Variants in DSG4 observed in about 807,000 individuals in gnomAD.
DSG4 encodes the protein desmoglein-4.
Under a neutral mutation model 93.1 loss-of-function variants are expected in DSG4, and 87 were observed. The ratio of observed to expected loss-of-function variants is 0.93; its 90% CI spans 0.79 to 1.12. The LOEUF (loss-of-function observed/expected upper bound fraction) is 1.12. Ranked by LOEUF, DSG4 falls within the 50% of genes most tolerant of loss-of-function variation. The pLI is 0.00. For missense variants in DSG4, 1,373 were observed against 1,285.7 expected, an observed-to-expected ratio of 1.07 and a Z score of -1.04; for synonymous variants, 432 against 452.9, an observed-to-expected ratio of 0.95 and a Z score of 0.59.
At chr18:31,411,595 C>T in intron 15 of DSG4, 147 bp downstream of exon 15, 1 of 1,038,190 alleles carries the variant, frequency 9.6e-7, no homozygotes, top group South Asian at 1.4e-5. Context: ...TTCACGTCTC[C>T]TTAAAACACA....
Position 31,411,388 on chromosome 18 carries a change from C to G in DSG4, c.2295C>G (p.Thr765=), listed in dbSNP as rs745428685. The G allele has an allele frequency of 5.6e-6, 9 of 1,613,976 alleles. No individual in the cohort carries two copies. The Admixed American group carries it at 1.3e-4, about 24-fold the overall frequency. Residue 765 remains threonine, a synonymous_variant, in exon 15 of 16, where the codon ACC becomes ACG. Transcript: ENST00000308128. ...GGAAGAGGAGCTCTACCATGGGAAC[C>G]CTGCGGGACTACGCTGACGCAGACA... ...AARKRSSTMG[T]LRDYADADIN...
Position 31,399,433 on chromosome 18 carries a change from T to TATGGC in DSG4, c.1168_1172dup (p.Phe392TrpfsTer9), listed in dbSNP as rs771756810. 1.0e-4 allele frequency: 164 copies of TATGGC among 1,613,990 alleles called. No homozygotes were observed. Among genetic ancestry groups the TATGGC allele is most frequent in the Non-Finnish European group, 1.2e-4 (138 of 1,179,966 alleles). On this transcript the variant is annotated frameshift_variant, in exon 9 of 16. Coordinates refer to ENST00000308128, the MANE Select transcript of DSG4 (RefSeq NM_177986.5). LOFTEE classifies it high-confidence loss of function. The stretch of plus-strand genomic sequence containing the variant: ...AAGGACCTGCATTTCATCCAAGTAC[T>TATGGC]ATGGCTTTTAGTGTGCGGGAAGGAA...
At chr18:31,404,213 A>T (rs1347546082) in intron 11 of DSG4, among the ~76,000 whole-genome samples, 2 of 152,220 alleles carry the variant, frequency 1.3e-5, no homozygotes, top group Non-Finnish European at 2.9e-5. Flanking sequence ...GTTAATATAC[A>T]GCCATTAAAA....
intron 12 of DSG4, among the ~76,000 whole-genome samples, chr18:31,408,829 T>C (rs2072454978): frequency 6.6e-6 from 1 of 152,176 alleles, no homozygotes; most frequent in African/African-American, 2.4e-5. Flanking sequence ...GTGTCTATAT[T>C]TATGGATTAA....
rs1165313972 is a variant in DSG4 at position 31,403,504 on chromosome 18, A to T, written c.1506A>T (p.Arg502Ser). 16 of 1,614,068 alleles carry T rather than the reference A, an allele frequency of 9.9e-6. No individual in the cohort carries two copies. The East Asian group carries it at 3.6e-4, about 36-fold the overall frequency. ...DYCPNIFPER[R>S]TICIDSPSVL... The stretch of plus-strand genomic sequence containing the variant: ...GTCCAAACATTTTTCCTGAAAGAAG[A>T]ACCATCTGCATTGACTCTCCATCAG... Residue 502 changes from arginine (R) to serine (S), a missense_variant, in exon 11 of 16, where the codon AGA becomes AGT. Transcript: ENST00000308128.
chr18:31,401,494 A>C (rs2072366036), intron 10 of DSG4: 1 of 153,448 alleles, frequency 6.5e-6, no homozygotes. Flanking sequence ...ACATATTTCC[A>C]TAGTAAGATG....
intron 14 of DSG4, among the ~76,000 whole-genome samples, chr18:31,410,638 G>T (rs945007244): frequency 6.6e-6 from 1 of 151,928 alleles, no homozygotes; most frequent in African/African-American, 2.4e-5. Context: ...TATCTTACCA[G>T]CCCCACGCAT....
At chr18:31,408,476 T>A (rs1361965817) in intron 12 of DSG4, among the ~76,000 whole-genome samples, 2 of 152,242 alleles carry the variant, frequency 1.3e-5, no homozygotes, top group African/African-American at 4.8e-5. Flanking sequence ...ATGGCAAAAT[T>A]GCCAAATTAA....
chr18:31,399,502 A>G lies in DSG4; in HGVS notation c.1236A>G (p.Thr412=). The change falls in exon 9 of 16, where the codon ACA becomes ACG. Residue 412 remains threonine (T), a synonymous_variant. Transcript: ENST00000308128. ...SLLNYVLGTY[T]AIDLDTGNPA... ...TGAATTATGTGCTTGGCACATATACAGCCATAGATTTGGACACAGGAAACC... is the reference window on the plus strand; with the variant it reads ...TGAATTATGTGCTTGGCACATATACGGCCATAGATTTGGACACAGGAAACC... 6.2e-7 allele frequency: 1 copy of G among 1,614,106 alleles called. No individual in the cohort carries two copies. The highest frequency in any genetic ancestry group is 8.5e-7 in the Non-Finnish European group (1 of 1,179,950).
At chr18:31,383,532 T>C (rs1405644994) in intron 1 of DSG4, among the ~76,000 whole-genome samples, 2 of 152,144 alleles carry the variant, frequency 1.3e-5, no homozygotes, top group South Asian at 2.1e-4. Flanking sequence ...TATCTAGTTT[T>C]AAAACTCTAG....
At position 31,399,408 on chromosome 18, in the gene DSG4, A is replaced by G. The variant is rs747652052; in HGVS notation, c.1142A>G (p.Glu381Gly). Residue 381 changes from glutamate (E) to glycine (G), a missense_variant, in exon 9 of 16, where the codon GAA (glutamate) becomes GGA (glycine). Transcript: ENST00000308128. ...AGAATTCAAGTTGTTGATGTGAGAG[A>G]AGGACCTGCATTTCATCCAAGTACT... ...PVRIQVVDVR[E>G]GPAFHPSTMA... 6.2e-7 allele frequency: 1 copy of G among 1,613,946 alleles called. No individual in the cohort carries two copies. The highest frequency in any genetic ancestry group is 1.1e-5 in the South Asian group (1 of 91,084).
chr18:31,413,366 C>T lies in DSG4; in HGVS notation c.2894C>T (p.Ala965Val). The change falls in exon 16 of 16, where the codon GCT becomes GTT. Residue 965 changes from alanine to valine, a missense_variant. Transcript: ENST00000308128. Reference sequence around the variant, plus strand: ...GCAGATTACAACAATGTAATCTATGCTGAGAGAGTACTGGCTAGTCCTGGT... The same window carrying T: ...GCAGATTACAACAATGTAATCTATGTTGAGAGAGTACTGGCTAGTCCTGGT... Reference protein sequence around the residue: ...ELADYNNVIYAERVLASPGVP... With the variant: ...ELADYNNVIYVERVLASPGVP... 1 of 1,614,108 alleles carries T rather than the reference C, an allele frequency of 6.2e-7. No individual in the cohort carries two copies. The highest frequency in any genetic ancestry group is 8.5e-7 in the Non-Finnish European group (1 of 1,180,028).
rs1462456627 is a variant in DSG4 at position 31,385,116 on chromosome 18, G to A, written c.49-20G>A. On this transcript the variant is annotated intron_variant, in intron 1 of 15. Transcript: ENST00000308128. ...AAATTATGCAAATTTATGCTAATGT[G>A]GTATCTTCTATCAAAACAGGTGGTG... The A allele has an allele frequency of 1.9e-6, 3 of 1,596,120 alleles. No homozygotes were observed. The highest frequency in any genetic ancestry group is 2.6e-6 in the Non-Finnish European group (3 of 1,166,756).
At position 31,391,350 on chromosome 18, in the gene DSG4, T is replaced by C. The variant is rs984648968; in HGVS notation, c.819+138T>C. 8.4e-6 allele frequency: 10 copies of C among 1,196,954 alleles called. No individual in the cohort carries two copies. In the Admixed American group the frequency reaches 2.0e-4, roughly 24 times the overall value. 74.1% of individuals were successfully genotyped at this position (1,196,954 alleles called of 1,614,324 possible). Reference sequence around the variant, plus strand: ...ATACTCAACTTTGTTATAGAAACTTTGGAATTTCTTATGTATACTAATATA... The same window carrying C: ...ATACTCAACTTTGTTATAGAAACTTCGGAATTTCTTATGTATACTAATATA... On this transcript the variant is annotated intron_variant, in intron 7 of 15. Coordinates refer to ENST00000308128, the MANE Select transcript of DSG4 (RefSeq NM_177986.5).
At chr18:31,385,426 T>G (rs1468374530) in intron 2 of DSG4, among the ~76,000 whole-genome samples, 1 of 152,172 alleles carries the variant, frequency 6.6e-6, no homozygotes, top group Non-Finnish European at 1.5e-5. Context: ...TTTATTTATG[T>G]TTTCCAATCC....
intron 8 of DSG4, among the ~76,000 whole-genome samples, chr18:31,395,535 G>A (rs751532413): frequency 2.0e-5 from 3 of 151,798 alleles, no homozygotes; most frequent in Non-Finnish European, 4.4e-5. Context: ...TCCCATGTTT[G>A]ACATTTTCAA....
chr18:31,403,361 A>T (rs2072389476), intron 10 of DSG4, 55 bp from the exon 11 acceptor site: 1 of 1,422,880 alleles, frequency 7.0e-7, no homozygotes, highest in Admixed American at 1.9e-5. Context: ...GATATGAGAA[A>T]GAGTTTTCTC....
chr18:31,409,563 G>T lies in DSG4; in HGVS notation c.2045G>T (p.Arg682Ile), dbSNP rs141527195. The change falls in exon 13 of 16, where the codon AGA (arginine) becomes ATA (isoleucine). Residue 682 changes from arginine to isoleucine, a missense_variant. Coordinates refer to ENST00000308128, the MANE Select transcript of DSG4 (RefSeq NM_177986.5). ...GGAGAAGGAGTGATGCAGTCTTGGA[G>T]AATTGAAGGGGCCCATCCCGAGGAC... The part of the protein sequence containing the change: ...EGGEGVMQSW[R>I]IEGAHPEDRD... 3 of 1,614,204 alleles carry T rather than the reference G, an allele frequency of 1.9e-6. No homozygotes were observed. The highest frequency in any genetic ancestry group is 1.3e-5 in the African/African-American group (1 of 75,058).
chr18:31,398,410 T>C (rs1367691098), intron 8 of DSG4, among the ~76,000 whole-genome samples: 1 of 152,188 alleles, frequency 6.6e-6, no homozygotes, highest in Non-Finnish European at 1.5e-5. Context: ...TAAGGAAACA[T>C]TCATGATGTC....
Sources: allele counts gnomAD v4.1 joint callset (sites outside exome capture counted in the v4.1 genomes callset), GRCh38; gene constraint gnomAD v4.1.1; transcripts MANE v1.5; gene names NCBI Gene and HGNC (gene_info 2026-07-23, HGNC 2026-07-21).